Variants in LRRIQ1 observed in about 807,000 individuals in gnomAD.
LRRIQ1 encodes the protein leucine-rich repeat- and IQ domain-containing protein 1.
LRRIQ1 carries 210 observed loss-of-function variants against 211.9 expected under a neutral mutation model. That is an observed-to-expected ratio of 0.99 (90% CI 0.89 to 1.11). The LOEUF (loss-of-function observed/expected upper bound fraction) is 1.11. Among genes scored for constraint, LRRIQ1 ranks in the 50% most tolerant of loss-of-function variants. The pLI, the probability that LRRIQ1 is intolerant of heterozygous loss-of-function variation, is 0.00. For missense variants in LRRIQ1, 2,136 were observed against 1,939.5 expected, an observed-to-expected ratio of 1.10 and a Z score of -1.90; for synonymous variants, 699 against 650.1, an observed-to-expected ratio of 1.08 and a Z score of -1.14.
At chr12:85,124,879 T>A (rs191648977) in intron 17 of LRRIQ1, 15 of 234,566 alleles carry the variant, frequency 6.4e-5, no homozygotes, top group Admixed American at 2.6e-4. Context: ...TTTCATTTTT[T>A]AAAAATATAC....
downstream of LRRIQ1, among the ~76,000 whole-genome samples, chr12:85,248,747 A>G (rs1895808905): frequency 6.6e-6 from 1 of 151,870 alleles, no homozygotes; most frequent in African/African-American, 2.4e-5. Flanking sequence ...TCTTAAAGGC[A>G]CTATTCGTGA....
intron 11 of LRRIQ1, among the ~76,000 whole-genome samples, chr12:85,083,445 T>C (rs1246365784): frequency 6.7e-6 from 1 of 148,896 alleles, no homozygotes; most frequent in East Asian, 1.9e-4. Context: ...TAAGTAACTT[T>C]TTTTTTTTTT....
chr12:85,272,228 T>C, the LRRIQ1 span, among the ~76,000 whole-genome samples: 4 of 152,224 alleles, frequency 2.6e-5, no homozygotes, highest in Non-Finnish European at 4.4e-5. Flanking sequence ...TGCCAATATT[T>C]ATGTTTCTTT....
chr12:85,157,893 T>C (rs1273610073), intron 23 of LRRIQ1, among the ~76,000 whole-genome samples: 6 of 151,838 alleles, frequency 4.0e-5, no homozygotes, highest in Admixed American at 3.3e-4. Flanking sequence ...TAATTTTTTA[T>C]GTCAAGTAAA....
intron 15 of LRRIQ1, among the ~76,000 whole-genome samples, 163 bp downstream of exon 15, chr12:85,106,778 T>C (rs1886815832): frequency 6.6e-6 from 1 of 152,176 alleles, no homozygotes. Flanking sequence ...TTTAAAAATG[T>C]TTTTATTCTA....
At chr12:85,192,430 AT>A in intron 24 of LRRIQ1, among the ~76,000 whole-genome samples, 1 of 132,146 alleles carries the variant, frequency 7.6e-6, no homozygotes, top group East Asian at 2.1e-4. Flanking sequence ...ATTTATATAT[AT>A]TTATATATAA....
chr12:85,054,053 A>G (rs1880676556), intron 7 of LRRIQ1, among the ~76,000 whole-genome samples: 2 of 152,194 alleles, frequency 1.3e-5, no homozygotes, highest in Non-Finnish European at 2.9e-5. Context: ...TGTGCTATCT[A>G]TGATTGCAAA....
chr12:85,251,983 T>G (rs905518869), intron 1 of LRRIQ1, among the ~76,000 whole-genome samples: 1 of 151,992 alleles, frequency 6.6e-6, no homozygotes, highest in African/African-American at 2.4e-5. Context: ...GCAATGATTC[T>G]AATCTTAAAC....
chr12:85,047,338 AGAT>A lies in LRRIQ1; in HGVS notation c.547_549del (p.Asp183del), dbSNP rs1879728156. On this transcript the variant is annotated inframe_deletion, in exon 6 of 27. Coordinates refer to ENST00000393217, the MANE Select transcript of LRRIQ1 (RefSeq NM_001079910.2). ...GGCAAGAGAAACAGAAGGAATTAGA[AGAT>A]AAAGAGAAACAAACTCTCAAAGCTC... 6.2e-7 allele frequency: 1 copy of A among 1,610,814 alleles called. No individual in the cohort carries two copies. The highest frequency in any genetic ancestry group is 1.7e-5 in the Admixed American group (1 of 59,942).
chr12:85,102,041 T>C (rs183011524), intron 13 of LRRIQ1, among the ~76,000 whole-genome samples: 40 of 151,812 alleles, frequency 2.6e-4, no homozygotes, highest in African/African-American at 8.9e-4. Flanking sequence ...GGTGAAGAGT[T>C]AGTATTAGAA....
chr12:85,036,738 CTCTT>C (rs1185934856), intron 1 of LRRIQ1, among the ~76,000 whole-genome samples: 24 of 146,976 alleles, frequency 1.6e-4, no homozygotes, highest in East Asian at 1.0e-3. Flanking sequence ...TTTTCTGTCT[CTCTT>C]TCTTTCTTTT....
At chr12:85,089,856 G>T (rs1337968283) in intron 11 of LRRIQ1, among the ~76,000 whole-genome samples, 1 of 152,194 alleles carries the variant, frequency 6.6e-6, no homozygotes, top group Non-Finnish European at 1.5e-5. Context: ...AGGCTGTAGA[G>T]AAATTACTTG....
At chr12:85,053,849 A>C (rs1490854695) in intron 7 of LRRIQ1, among the ~76,000 whole-genome samples, 1 of 152,104 alleles carries the variant, frequency 6.6e-6, no homozygotes, top group Non-Finnish European at 1.5e-5. Context: ...CTGGGACTAC[A>C]GGCGCCCGCC....
intron 23 of LRRIQ1, among the ~76,000 whole-genome samples, chr12:85,158,250 A>AT (rs201636197): frequency 6.6e-6 from 1 of 151,594 alleles, no homozygotes; most frequent in Admixed American, 6.6e-5. Context: ...AAAAAAAAAA[A>AT]CTAGATAAAA....
chr12:85,203,388 G>T (rs930149892), intron 24 of LRRIQ1, among the ~76,000 whole-genome samples: 1 of 151,990 alleles, frequency 6.6e-6, no homozygotes, highest in Non-Finnish European at 1.5e-5. Context: ...AGTAGAGTGG[G>T]GCATTGCTGA....
chr12:85,150,512 T>C (rs1488850086), intron 19 of LRRIQ1, among the ~76,000 whole-genome samples: 1 of 151,812 alleles, frequency 6.6e-6, no homozygotes, highest in Non-Finnish European at 1.5e-5. Context: ...AGTGGGAGTT[T>C]ACTGAGTTAC....
At chr12:85,066,236 C>T (rs1395021153) in intron 9 of LRRIQ1, among the ~76,000 whole-genome samples, 1 of 151,884 alleles carries the variant, frequency 6.6e-6, no homozygotes, top group Non-Finnish European at 1.5e-5. Flanking sequence ...GCATCAGGCT[C>T]AAGCTCAAAG....
At chr12:85,116,915 A>G (rs980171427) in intron 15 of LRRIQ1, among the ~76,000 whole-genome samples, 3 of 136,520 alleles carry the variant, frequency 2.2e-5, no homozygotes, top group Non-Finnish European at 3.2e-5. Context: ...CATATATTCC[A>G]TGGTGTATAT....
intron 11 of LRRIQ1, among the ~76,000 whole-genome samples, chr12:85,086,962 A>G (rs1320479981): frequency 9.8e-6 from 1 of 102,264 alleles, no homozygotes; most frequent in Non-Finnish European, 2.0e-5. Context: ...TTATTATTAT[A>G]CTTTAAGTTC....
Sources: gnomAD v4.1 joint callset for allele counts (sites outside exome capture counted in the v4.1 genomes callset) on GRCh38, gnomAD v4.1.1 for gene constraint, MANE v1.5 for transcripts, NCBI Gene and HGNC (gene_info 2026-07-23, HGNC 2026-07-21) for gene names.